Variants in ANK3 observed in about 807,000 individuals in gnomAD.
The protein encoded by ANK3 is ankyrin-3.
In ANK3, 57 loss-of-function variants were observed where a neutral mutation model predicts 370.9. That is an observed-to-expected ratio of 0.15 (90% confidence interval 0.12 to 0.19). The LOEUF (loss-of-function observed/expected upper bound fraction) is 0.19, where lower values mean the gene tolerates loss of function less well. Ranked by LOEUF, ANK3 falls within the 10% of genes least tolerant of loss-of-function variation. The pLI is 1.00. For missense variants in ANK3, 4,439 were observed against 5,302.1 expected (o/e 0.84, Z 5.06); for synonymous variants, 1,929 against 1,946.3 (o/e 0.99, Z 0.23).
At chr10:60,696,579 G>A (rs2133411345) in intron 1 of ANK3, among the ~76,000 whole-genome samples, 1 of 149,184 alleles carries the variant, frequency 6.7e-6, no homozygotes, top group East Asian at 1.9e-4. Flanking sequence ...TCTTCCCTGG[G>A]ATGCAAGGCT....
intron 7 of ANK3, among the ~76,000 whole-genome samples, chr10:60,235,108 T>G (rs1320989799): frequency 6.6e-6 from 1 of 152,184 alleles, no homozygotes; most frequent in Non-Finnish European, 1.5e-5. Flanking sequence ...ATAATTTGAG[T>G]GATACATACT....
intron 1 of ANK3, among the ~76,000 whole-genome samples, chr10:60,661,808 G>A (rs1001596688): frequency 6.6e-6 from 1 of 152,136 alleles, no homozygotes; most frequent in Non-Finnish European, 1.5e-5. Context: ...GAGGCCCTGA[G>A]CACCCTCATC....
At chr10:60,063,412 C>T (rs192274593) in intron 39 of ANK3, among the ~76,000 whole-genome samples, 158 bp from the exon 40 acceptor site, 3 of 152,298 alleles carry the variant, frequency 2.0e-5, no homozygotes, top group East Asian at 1.9e-4. Flanking sequence ...TCAGAATGCT[C>T]GCTGCTACAG....
chr10:60,681,821 GAC>G, intron 1 of ANK3, among the ~76,000 whole-genome samples: 1 of 152,176 alleles, frequency 6.6e-6, no homozygotes, highest in Non-Finnish European at 1.5e-5. Context: ...ATGGTTAAAA[GAC>G]AGAGAAAGGA....
intron 2 of ANK3, among the ~76,000 whole-genome samples, chr10:60,470,569 G>A (rs1032232102): frequency 6.6e-6 from 1 of 152,118 alleles, no homozygotes; most frequent in African/African-American, 2.4e-5. Context: ...CACATTTGAG[G>A]TGGTTCAGAT....
In ANK3 at chr10:60,196,130, T is replaced by C. The variant is rs769856856; in HGVS notation, c.1887+15A>G. On this transcript the variant is annotated intron_variant, in intron 16 of 43. Transcript: ENST00000280772. ...CTTACCCATCAGTCTCCTTAGGCTGTGGAATTATAGGTACCTTTGCGGCTG... is the reference window on the plus strand; with the variant it reads ...CTTACCCATCAGTCTCCTTAGGCTGCGGAATTATAGGTACCTTTGCGGCTG... 2.2e-5 allele frequency: 36 copies of C among 1,610,042 alleles called. No individual in the cohort carries two copies. Among genetic ancestry groups the C allele is most frequent in the Admixed American group, 3.3e-5 (2 of 59,964 alleles).
chr10:60,067,729 T>C (rs2081929086), intron 38 of ANK3, among the ~76,000 whole-genome samples: 1 of 152,214 alleles, frequency 6.6e-6, no homozygotes, highest in South Asian at 2.1e-4. Flanking sequence ...TATTTCTTAG[T>C]GCATATGCAT....
intron 2 of ANK3, among the ~76,000 whole-genome samples, chr10:60,580,517 A>G (rs942197096): frequency 1.3e-5 from 2 of 152,228 alleles, no homozygotes; most frequent in African/African-American, 4.8e-5. Context: ...TGTAAATTAA[A>G]GTTAGCTTGA....
At chr10:60,043,263 A>G in intron 42 of ANK3, 2 of 985,554 alleles carry the variant, frequency 2.0e-6, no homozygotes, top group Non-Finnish European at 2.4e-6. Flanking sequence ...ACTGAGCATC[A>G]GGAATACAGT....
At chr10:60,454,704 C>T (rs1356799744) in intron 2 of ANK3, among the ~76,000 whole-genome samples, 1 of 152,068 alleles carries the variant, frequency 6.6e-6, no homozygotes, top group Non-Finnish European at 1.5e-5. Context: ...ACTCTACCTG[C>T]AAATCAAAGA....
chr10:60,372,962 A>AT (rs1456281514), intron 1 of ANK3, among the ~76,000 whole-genome samples: 2 of 152,370 alleles, frequency 1.3e-5, no homozygotes, highest in East Asian at 3.9e-4. Context: ...AGTGATTGGT[A>AT]TAAAAATAGA....
chr10:60,609,454 G>T (rs1487835340), intron 2 of ANK3, among the ~76,000 whole-genome samples: 1 of 152,040 alleles, frequency 6.6e-6, no homozygotes, highest in Non-Finnish European at 1.5e-5. Flanking sequence ...GAATCCCAGG[G>T]TGCGTTTAGA....
At chr10:60,499,479 G>T (rs752067159) in intron 2 of ANK3, among the ~76,000 whole-genome samples, 1 of 152,092 alleles carries the variant, frequency 6.6e-6, no homozygotes, top group Non-Finnish European at 1.5e-5. Flanking sequence ...AAAACATTAT[G>T]CAATATCACA....
chr10:60,339,776 A>T lies in ANK3; in HGVS notation c.114+49649T>A, dbSNP rs552050559. Among the ~76,000 whole-genome samples, 9 of 152,302 alleles carry T rather than the reference A, an allele frequency of 5.9e-5. No homozygotes were observed. In the East Asian group the frequency reaches 1.5e-3, roughly 26 times the overall value. On this transcript the variant is annotated intron_variant, in intron 1 of 43. Transcript: ENST00000280772. ...AAACATGAGTAGAAGTGGAGGTAAA[A>T]ATACTAGGAATTACTGGAGCGGCAA... is the stretch of plus-strand genomic sequence containing the variant.
At chr10:60,229,818 A>T (rs2097213700) in intron 8 of ANK3, among the ~76,000 whole-genome samples, 1 of 152,340 alleles carries the variant, frequency 6.6e-6, no homozygotes, top group South Asian at 2.1e-4. Flanking sequence ...TAGGCATTTA[A>T]TATGCACCAG....
intron 4 of ANK3, among the ~76,000 whole-genome samples, chr10:60,272,466 T>C (rs567271089): frequency 3.6e-4 from 43 of 119,112 alleles, no homozygotes; most frequent in African/African-American, 1.3e-3. Flanking sequence ...GTTGTTGTTG[T>C]TGTTGTTGTT....
chr10:60,720,329 TA>T (rs1404432807), intron 1 of ANK3, among the ~76,000 whole-genome samples: 2 of 152,182 alleles, frequency 1.3e-5, no homozygotes, highest in Admixed American at 6.5e-5. Flanking sequence ...GCACCCTATT[TA>T]AAGATGAGGA....
intron 2 of ANK3, among the ~76,000 whole-genome samples, chr10:60,495,972 T>C (rs891871128): frequency 6.7e-6 from 1 of 149,166 alleles, no homozygotes; most frequent in Admixed American, 6.6e-5. Flanking sequence ...GTGTGCATTT[T>C]TCATTTTTCT....
chr10:60,529,530 T>A (rs1049151666), intron 2 of ANK3, among the ~76,000 whole-genome samples: 1 of 152,054 alleles, frequency 6.6e-6, no homozygotes, highest in East Asian at 1.9e-4. Flanking sequence ...CACTCCAGAG[T>A]GTTGTAAATA....
Sources: gnomAD v4.1 joint callset for allele counts (sites outside exome capture counted in the v4.1 genomes callset) on GRCh38, gnomAD v4.1.1 for gene constraint, MANE v1.5 for transcripts, NCBI Gene and HGNC (gene_info 2026-07-23, HGNC 2026-07-21) for gene names.